The following GIMAP1 variants were observed in gnomAD, a reference collection of about 807,000 sequenced individuals.
GIMAP1 encodes GTPase IMAP family member 1.
For synonymous variants in GIMAP1, 230 were observed against 187.7 expected (o/e 1.23, Z -1.84); for missense variants, 423 against 411.9 (o/e 1.03, Z -0.23).
chr7:150,720,894 C>A lies in GIMAP1; in HGVS notation c.890C>A (p.Ser297Ter). The change falls in exon 3 of 3, where the codon TCG becomes TAG. Residue 297 changes from serine to a stop codon, truncating the protein, a stop_gained. Coordinates refer to ENST00000307194, the MANE Select transcript of GIMAP1 (RefSeq NM_130759.4). LOFTEE classifies it low-confidence loss of function (END_TRUNC). This position sits in a 1 kb window ranked among gnomAD's most constrained non-coding sequence, Gnocchi z 4.5. ...LFWVLLHRRW[S>*]EAVAEVGPD The stretch of plus-strand genomic sequence containing the variant: ...TGGGTGCTGCTCCACAGGCGGTGGT[C>A]GGAGGCCGTTGCGGAGGTCGGGCCT... The A allele has an allele frequency of 6.3e-7, 1 of 1,590,008 alleles. No individual in the cohort carries two copies. Among genetic ancestry groups the A allele is most frequent in the Non-Finnish European group, 8.5e-7 (1 of 1,173,154 alleles).
intron 1 of GIMAP1, among the ~76,000 whole-genome samples, 186 bp from the exon 2 acceptor site, chr7:150,718,855 GC>G (rs1797252709): frequency 6.6e-6 from 1 of 152,186 alleles, no homozygotes; most frequent in Non-Finnish European, 1.5e-5. Flanking sequence ...CTAGCCACGT[GC>G]CCTTCTGCCA....
In GIMAP1 at chr7:150,721,259, T is replaced by C. The variant is rs73727382; in HGVS notation, c.*334T>C. 0.016 allele frequency: 3,284 copies of C among 207,974 alleles called. 122 individuals are homozygous for C. The highest frequency in any genetic ancestry group is 0.07 in the African/African-American group (3,058 of 43,764). The allele number at this position is 207,974 out of a possible 1,614,324, so 12.9% of individuals were successfully genotyped here. On this transcript the variant is annotated 3_prime_UTR_variant, in exon 3 of 3. Transcript: ENST00000307194. ...AAAACAAGTGCCATTATTTTCGAGCTTTTTAAAAAATTTAGACTGCCCCTC... is the reference window on the plus strand; with the variant it reads ...AAAACAAGTGCCATTATTTTCGAGCCTTTTAAAAAATTTAGACTGCCCCTC...
rs1310713028 is a variant in GIMAP1 at position 150,721,928 on chromosome 7, C to G, written c.*1003C>G. On this transcript the variant is annotated 3_prime_UTR_variant, in exon 3 of 3. Coordinates refer to ENST00000307194, the MANE Select transcript of GIMAP1 (RefSeq NM_130759.4). ...ACACACACACACACACAGTCTGTAT[C>G]TCGAGCTCCTCTCTGGTTATGGAGA... The G allele has an allele frequency of 6.6e-6, 1 of 151,946 alleles. No homozygotes were observed. The highest frequency in any genetic ancestry group is 1.9e-4 in the East Asian group (1 of 5,194). The allele number at this position is 151,946 out of a possible 1,614,324, so 9.4% of individuals were successfully genotyped here. A position where few individuals can be genotyped will look rare whatever the true frequency, so the allele number is the denominator to read the frequency against.
chr7:150,720,856 C>T lies in GIMAP1; in HGVS notation c.852C>T (p.Gly284=), dbSNP rs770099581. 3 of 1,605,258 alleles carry T rather than the reference C, an allele frequency of 1.9e-6. No homozygotes were observed. Among genetic ancestry groups the T allele is most frequent in the Admixed American group, 1.7e-5 (1 of 59,714 alleles). The change falls in exon 3 of 3, where the codon GGC becomes GGT. Residue 284 remains glycine, a synonymous_variant. Transcript: ENST00000307194. This position sits in a 1 kb window ranked among gnomAD's most constrained non-coding sequence, Gnocchi z 4.5. ...WRLGLALLLG[G]ALLFWVLLHR... is the part of the protein sequence containing the mutation. Reference sequence around the variant, plus strand: ...TGGGCCTGGCCCTGCTGCTGGGGGGCGCGCTCCTGTTCTGGGTGCTGCTCC... The same window carrying T: ...TGGGCCTGGCCCTGCTGCTGGGGGGTGCGCTCCTGTTCTGGGTGCTGCTCC...
intron 2 of GIMAP1, 21 bp downstream of exon 2, chr7:150,719,111 C>T (rs1408419784): frequency 1.9e-6 from 3 of 1,613,956 alleles, no homozygotes; most frequent in Non-Finnish European, 1.7e-6. Context: ...ATCTCTACAC[C>T]TCATACTTGC....
At chr7:150,719,976 A>C (rs78632930) in intron 2 of GIMAP1, 72 bp from the exon 3 acceptor site, 155,078 of 1,489,628 alleles carry the variant, frequency 0.1, 8,639 homozygotes, top group Admixed American at 0.16. Flanking sequence ...CTTATGCTAA[A>C]GGCAAGAAGA....
At position 150,722,795 on chromosome 7, in the gene GIMAP1, A is replaced by T. The variant is rs1013591148; in HGVS notation, c.*1870A>T. On this transcript the variant is annotated 3_prime_UTR_variant, in exon 3 of 3. Coordinates refer to ENST00000307194, the MANE Select transcript of GIMAP1 (RefSeq NM_130759.4). ...CTATATGCAAATTTAGGGGTGGATT[A>T]TGCCAAAATTTCTAGAAAAAAGGTC... is the stretch of plus-strand genomic sequence containing the variant. The T allele has an allele frequency of 1.3e-5, 2 of 152,258 alleles. No homozygotes were observed. The highest frequency in any genetic ancestry group is 2.9e-5 in the Non-Finnish European group (2 of 68,052). The allele number at this position is 152,258 out of a possible 1,614,324, so 9.4% of individuals were successfully genotyped here.
At chr7:150,719,138 T>A (rs761903341) in intron 2 of GIMAP1, 48 bp downstream of exon 2, 4 of 1,611,892 alleles carry the variant, frequency 2.5e-6, no homozygotes, top group Non-Finnish European at 8.5e-7. Flanking sequence ...AGGCTTGAAC[T>A]TAGGGTAATA....
chr7:150,720,415 C>A lies in GIMAP1; in HGVS notation c.411C>A (p.Asp137Glu). The A allele has an allele frequency of 1.3e-6, 2 of 1,583,206 alleles. No homozygotes were observed. Residue 137 changes from aspartate (D) to glutamate (E), a missense_variant, in exon 3 of 3, where the codon GAC becomes GAA. Transcript: ENST00000307194. The surrounding 1 kb of genome is among the most constrained non-coding windows in gnomAD (Gnocchi z 4.5). ...QDQQAVRQVRDMFGEDVLKWM... is the reference protein window; with the variant it reads ...QDQQAVRQVREMFGEDVLKWM... ...AGCAGGCGGTGAGGCAGGTGAGGGACATGTTCGGGGAGGACGTCCTAAAAT... is the reference window on the plus strand; with the variant it reads ...AGCAGGCGGTGAGGCAGGTGAGGGAAATGTTCGGGGAGGACGTCCTAAAAT...
chr7:150,719,340 G>A (rs748978510), intron 2 of GIMAP1: 54 of 518,154 alleles, frequency 1.0e-4, no homozygotes, highest in Middle Eastern at 5.1e-4. Context: ...TCCGATCACC[G>A]CAGAAGAAGT....
rs1797278639 is a variant in GIMAP1, at chr7:150,720,330, C to G, written c.326C>G (p.Ala109Gly). 1 of 1,613,324 alleles carries G rather than the reference C, an allele frequency of 6.2e-7. No homozygotes were observed. The highest frequency in any genetic ancestry group is 8.5e-7 in the Non-Finnish European group (1 of 1,179,664). ...EERGHCYLLSAPGPHALLLVT... is the reference protein window; with the variant it reads ...EERGHCYLLSGPGPHALLLVT... ...AGAGGTCACTGCTACCTGCTCTCGG[C>G]CCCCGGACCCCACGCGCTGCTCCTG... Residue 109 changes from alanine to glycine, a missense_variant, in exon 3 of 3, where the codon GCC becomes GGC. By Grantham distance (60) the Ala-to-Gly change is moderately conservative. Coordinates refer to ENST00000307194, the MANE Select transcript of GIMAP1 (RefSeq NM_130759.4). This position sits in a 1 kb window ranked among gnomAD's most constrained non-coding sequence, Gnocchi z 4.5.
At chr7:150,718,598 C>T (rs1468014669) in intron 1 of GIMAP1, among the ~76,000 whole-genome samples, 1 of 152,124 alleles carries the variant, frequency 6.6e-6, no homozygotes, top group African/African-American at 2.4e-5. Context: ...TATAGAATCA[C>T]CCAGGGAAAA....
Position 150,720,600 on chromosome 7 carries a change from C to G in GIMAP1, c.596C>G (p.Ala199Gly), listed in dbSNP as rs1372811814. Residue 199 changes from alanine (A) to glycine (G), a missense_variant, in exon 3 of 3, where the codon GCC (alanine) becomes GGC (glycine). Physicochemically the swap from Ala to Gly is moderately conservative, Grantham distance 60. Transcript: ENST00000307194. This position sits in a 1 kb window ranked among gnomAD's most constrained non-coding sequence, Gnocchi z 4.5. The stretch of plus-strand genomic sequence containing the variant: ...CGGGCCACCGGCCGGGAGCAGGAAG[C>G]CCAGGTGGAGCAGCTGCTGGGGATG... ...DNRATGREQE[A>G]QVEQLLGMVE... 31 of 1,613,676 alleles carry G rather than the reference C, an allele frequency of 1.9e-5. No individual in the cohort carries two copies. The highest frequency in any genetic ancestry group is 2.6e-5 in the Non-Finnish European group (31 of 1,179,840).
intron 1 of GIMAP1, 103 bp from the exon 2 acceptor site, chr7:150,718,939 T>C: frequency 6.7e-7 from 1 of 1,495,996 alleles, no homozygotes; most frequent in Non-Finnish European, 9.3e-7. Flanking sequence ...ACCAGCTCTT[T>C]GGACTTTGCC....
Position 150,720,343 on chromosome 7 carries a change from C to G in GIMAP1, c.339C>G (p.His113Gln). The G allele has an allele frequency of 1.2e-6, 2 of 1,612,178 alleles. No individual in the cohort carries two copies. The highest frequency in any genetic ancestry group is 1.3e-5 in the African/African-American group (1 of 75,046). The change falls in exon 3 of 3, where the codon CAC (histidine) becomes CAG (glutamine). Residue 113 changes from histidine to glutamine, a missense_variant. His to Gln is a conservative substitution (Grantham distance 24). Coordinates refer to ENST00000307194, the MANE Select transcript of GIMAP1 (RefSeq NM_130759.4). This position sits in a 1 kb window ranked among gnomAD's most constrained non-coding sequence, Gnocchi z 4.5. ...HCYLLSAPGPHALLLVTQLGR... is the reference protein window; with the variant it reads ...HCYLLSAPGPQALLLVTQLGR... ...ACCTGCTCTCGGCCCCCGGACCCCA[C>G]GCGCTGCTCCTGGTGACCCAGTTGG...
In GIMAP1 at chr7:150,720,404, C is replaced by G. The variant is rs769354848; in HGVS notation, c.400C>G (p.Gln134Glu). 6.3e-6 allele frequency: 10 copies of G among 1,588,312 alleles called. No homozygotes were observed. The highest frequency in any genetic ancestry group is 8.6e-6 in the Non-Finnish European group (10 of 1,165,150). ...FTAQDQQAVRQVRDMFGEDVL... is the reference protein window; with the variant it reads ...FTAQDQQAVREVRDMFGEDVL... ...CGCCCAGGACCAGCAGGCGGTGAGG[C>G]AGGTGAGGGACATGTTCGGGGAGGA... Residue 134 changes from glutamine (Q) to glutamate (E), a missense_variant, in exon 3 of 3, where the codon CAG (glutamine) becomes GAG (glutamate). Gln to Glu is a conservative substitution (Grantham distance 29). Transcript: ENST00000307194. The surrounding 1 kb of genome is among the most constrained non-coding windows in gnomAD (Gnocchi z 4.5).
intron 1 of GIMAP1, among the ~76,000 whole-genome samples, chr7:150,717,219 A>T (rs1408351535): frequency 6.6e-6 from 1 of 152,102 alleles, no homozygotes; most frequent in East Asian, 1.9e-4. Context: ...CCCCTTAAAC[A>T]TCTGCTCCCT....
Position 150,720,406 on chromosome 7 carries a change from G to T in GIMAP1, c.402G>T (p.Gln134His), listed in dbSNP as rs1391038968. 6.3e-7 allele frequency: 1 copy of T among 1,587,760 alleles called. No individual in the cohort carries two copies. The highest frequency in any genetic ancestry group is 8.6e-7 in the Non-Finnish European group (1 of 1,164,898). The change falls in exon 3 of 3, where the codon CAG becomes CAT. Residue 134 changes from glutamine to histidine, a missense_variant. By Grantham distance (24) the Gln-to-His change is conservative. Coordinates refer to ENST00000307194, the MANE Select transcript of GIMAP1 (RefSeq NM_130759.4). This position sits in a 1 kb window ranked among gnomAD's most constrained non-coding sequence, Gnocchi z 4.5. Reference protein sequence around the residue: ...FTAQDQQAVRQVRDMFGEDVL... With the variant: ...FTAQDQQAVRHVRDMFGEDVL... ...CCCAGGACCAGCAGGCGGTGAGGCA[G>T]GTGAGGGACATGTTCGGGGAGGACG...
At position 150,722,106 on chromosome 7, in the gene GIMAP1, G is replaced by T. The variant is rs1415800757; in HGVS notation, c.*1181G>T. 1 of 152,176 alleles carries T rather than the reference G, an allele frequency of 6.6e-6. No individual in the cohort carries two copies. Among genetic ancestry groups the T allele is most frequent in the Non-Finnish European group, 1.5e-5 (1 of 68,040 alleles). 9.4% of individuals were successfully genotyped at this position (152,176 alleles called of 1,614,324 possible). A position where few individuals can be genotyped will look rare whatever the true frequency, so the allele number is the denominator to read the frequency against. On this transcript the variant is annotated 3_prime_UTR_variant, in exon 3 of 3. Transcript: ENST00000307194. ...AAAATTTGCCGCTGACTGGTTGTGCGAATCAAACAATAGGATTTCCTTATT... is the reference window on the plus strand; with the variant it reads ...AAAATTTGCCGCTGACTGGTTGTGCTAATCAAACAATAGGATTTCCTTATT...
Sources: allele counts gnomAD v4.1 joint callset (sites outside exome capture counted in the v4.1 genomes callset), GRCh38; gene constraint gnomAD v4.1.1; non-coding constraint Gnocchi (gnomAD v3.1); transcripts MANE v1.5; gene names NCBI Gene and HGNC (gene_info 2026-07-23, HGNC 2026-07-21).